CTNNA3: variants seen among roughly 807,000 people sequenced by gnomAD.
CTNNA3 encodes catenin alpha 3.
CTNNA3 carries 76 observed loss-of-function variants against 95.7 expected under a neutral mutation model. That is an observed-to-expected ratio of 0.79 (90% CI 0.66 to 0.96). CTNNA3 has a LOEUF of 0.96. CTNNA3 is among the 40% of genes least tolerant of loss of function. CTNNA3 has a pLI of 0.00. For synonymous variants in CTNNA3, 431 were observed against 374.4 expected, an observed-to-expected ratio of 1.15 and a Z score of -1.74; for missense variants, 1,191 against 1,089.8, an observed-to-expected ratio of 1.09 and a Z score of -1.31.
intron 12 of CTNNA3, among the ~76,000 whole-genome samples, chr10:66,338,333 T>C (rs1008477037): frequency 2.6e-5 from 4 of 152,008 alleles, no homozygotes; most frequent in Non-Finnish European, 5.9e-5. Flanking sequence ...TAAGAGTTCT[T>C]ATTGTGGTCA....
intron 7 of CTNNA3, among the ~76,000 whole-genome samples, chr10:67,091,700 G>A (rs1190130009): frequency 4.6e-5 from 7 of 152,034 alleles, no homozygotes; most frequent in Admixed American, 4.6e-4. Flanking sequence ...AGAGATGAGA[G>A]ATGTGTGTGC....
chr10:66,267,304 C>T lies in CTNNA3; in HGVS notation c.1884+13166G>A, dbSNP rs1299879374. On this transcript the variant is annotated intron_variant, in intron 13 of 17. Coordinates refer to ENST00000433211, the MANE Select transcript of CTNNA3 (RefSeq NM_013266.4). ...CTTCACCTAATTGTAGTTCTTTCTC[C>T]TGTCTTGACCTCCGTATCCTTGCAA... Among the ~76,000 whole-genome samples, 7 of 152,236 alleles carry T rather than the reference C, an allele frequency of 4.6e-5. No individual in the cohort carries two copies. In the East Asian group the frequency reaches 1.2e-3, roughly 25 times the overall value.
At chr10:66,005,475 T>C (rs182442023) in intron 15 of CTNNA3, among the ~76,000 whole-genome samples, 97 of 152,330 alleles carry the variant, frequency 6.4e-4, no homozygotes, top group African/African-American at 2.0e-3. Context: ...GTCAGGTTCT[T>C]GGTTCTTAAT....
At chr10:66,533,201 G>A (rs763834008) in intron 10 of CTNNA3, among the ~76,000 whole-genome samples, 8 of 151,980 alleles carry the variant, frequency 5.3e-5, no homozygotes, top group South Asian at 2.1e-4. Context: ...AGCACCCCTC[G>A]ATTTCCACTC....
intron 7 of CTNNA3, among the ~76,000 whole-genome samples, chr10:66,980,887 G>A (rs1298470635): frequency 6.6e-6 from 1 of 151,984 alleles, no homozygotes; most frequent in Non-Finnish European, 1.5e-5. Flanking sequence ...AGCATCCACA[G>A]TTTTTCTTTT....
chr10:66,082,855 T>A (rs1332642942), intron 14 of CTNNA3, among the ~76,000 whole-genome samples: 1 of 152,166 alleles, frequency 6.6e-6, no homozygotes, highest in African/African-American at 2.4e-5. Flanking sequence ...ATGGGCCCCA[T>A]CTGTCCTTTT....
chr10:66,735,170 A>G (rs1849093528), intron 9 of CTNNA3, among the ~76,000 whole-genome samples: 1 of 151,892 alleles, frequency 6.6e-6, no homozygotes, highest in Non-Finnish European at 1.5e-5. Flanking sequence ...ATAATAAAAA[A>G]TTCTATAATT....
At chr10:67,064,525 G>T (rs559732941) in intron 7 of CTNNA3, among the ~76,000 whole-genome samples, 37 of 152,104 alleles carry the variant, frequency 2.4e-4, no homozygotes, top group Admixed American at 3.9e-4. Context: ...TTATTAGTCA[G>T]CAAGCTTTCT....
chr10:66,028,624 T>C (rs994343217), intron 15 of CTNNA3, among the ~76,000 whole-genome samples: 11 of 151,704 alleles, frequency 7.3e-5, no homozygotes, highest in African/African-American at 2.4e-4. Flanking sequence ...AGGGATAGCA[T>C]TAGGAGATAT....
At position 65,913,200 on chromosome 10, in the gene CTNNA3, G is replaced by A. The variant is rs973037073; in HGVS notation, c.*7130C>T. 2.0e-5 allele frequency: 3 copies of A among 152,006 alleles called. No homozygotes were observed. The highest frequency in any genetic ancestry group is 2.1e-4 in the South Asian group (1 of 4,822). 9.4% of individuals were successfully genotyped at this position (152,006 alleles called of 1,614,324 possible). A position where few individuals can be genotyped will look rare whatever the true frequency, so the allele number is the denominator to read the frequency against. The stretch of plus-strand genomic sequence containing the variant: ...GCTGTCAAAGTTGTTGTTGTAATAC[G>A]ACATAAAGTAAATGATTTTTTTCCC... On this transcript the variant is annotated 3_prime_UTR_variant, in exon 18 of 18. Transcript: ENST00000433211.
chr10:66,370,875 A>G (rs924297496), intron 12 of CTNNA3, among the ~76,000 whole-genome samples: 1 of 152,022 alleles, frequency 6.6e-6, no homozygotes, highest in African/African-American at 2.4e-5. Context: ...ATGCCTGGCT[A>G]ACATTTTTTA....
At chr10:67,532,313 T>G (rs980167871) in intron 4 of CTNNA3, among the ~76,000 whole-genome samples, 4 of 152,224 alleles carry the variant, frequency 2.6e-5, no homozygotes, top group African/African-American at 9.6e-5. Flanking sequence ...TTAGAAAATC[T>G]TTTTGTTGGT....
At chr10:67,150,185 A>G (rs576419914) in intron 7 of CTNNA3, among the ~76,000 whole-genome samples, 28 of 152,300 alleles carry the variant, frequency 1.8e-4, no homozygotes, top group African/African-American at 6.3e-4. Context: ...ATATCAAGCA[A>G]TCTCTCTTTA....
chr10:66,841,164 G>C (rs1220435426), intron 7 of CTNNA3, among the ~76,000 whole-genome samples: 1 of 152,110 alleles, frequency 6.6e-6, no homozygotes, highest in African/African-American at 2.4e-5. Context: ...TAATGAAAAA[G>C]GTTGAGGGCA....
chr10:66,837,450 C>T (rs1004259038), intron 7 of CTNNA3: 1 of 152,184 alleles, frequency 6.6e-6, no homozygotes, highest in African/African-American at 2.4e-5. Context: ...GCAGTGACCC[C>T]TTCCTGAAGA....
intron 1 of CTNNA3, among the ~76,000 whole-genome samples, chr10:67,673,676 T>C (rs565320329): frequency 4.0e-5 from 6 of 149,982 alleles, no homozygotes; most frequent in Non-Finnish European, 7.4e-5. Flanking sequence ...TTGATTTGCG[T>C]ATGTTGAACC....
In CTNNA3 at chr10:67,580,614, T is replaced by C. The variant is rs1248469264; in HGVS notation, c.292+26243A>G. On this transcript the variant is annotated intron_variant, in intron 3 of 17. Transcript: ENST00000433211. ...GTGAAGAAAGTCATTGGTAGCTTGA[T>C]GGGGATGGCATTGAATCTATAAATT... Among the ~76,000 whole-genome samples the C allele has an allele frequency of 2.6e-5, 4 of 151,052 alleles. No homozygotes were observed. The East Asian group carries it at 7.8e-4, about 29-fold the overall frequency.
intron 17 of CTNNA3, among the ~76,000 whole-genome samples, chr10:65,941,596 A>T (rs1222333982): frequency 6.6e-6 from 1 of 152,142 alleles, no homozygotes; most frequent in Admixed American, 6.5e-5. Context: ...AGGGGTTTGT[A>T]TGGGGAAGGA....
At chr10:66,931,492 G>T (rs913081558) in intron 7 of CTNNA3, among the ~76,000 whole-genome samples, 2 of 152,004 alleles carry the variant, frequency 1.3e-5, no homozygotes, top group Non-Finnish European at 2.9e-5. Context: ...ACTTGATTTG[G>T]TGAGTGAACT....
Sources: gnomAD v4.1 joint callset for allele counts (sites outside exome capture counted in the v4.1 genomes callset) on GRCh38, gnomAD v4.1.1 for gene constraint, MANE v1.5 for transcripts, NCBI Gene and HGNC (gene_info 2026-07-23, HGNC 2026-07-21) for gene names.